SUPT3H: variants seen among roughly 807,000 people sequenced by gnomAD.
SUPT3H encodes transcription initiation protein SPT3 homolog.
SUPT3H carries 44 observed loss-of-function variants against 44.3 expected under a neutral mutation model. The ratio of observed to expected loss-of-function variants is 0.99; its 90% CI spans 0.78 to 1.28. SUPT3H has a LOEUF of 1.28. SUPT3H is among the 50% of genes most tolerant of loss of function. The pLI is 0.00. For synonymous variants in SUPT3H, 124 were observed against 125.6 expected (o/e 0.99, Z 0.09); for missense variants, 380 against 387.1 (o/e 0.98, Z 0.15).
At chr6:45,084,325 G>A (rs1267193459) in intron 3 of SUPT3H, among the ~76,000 whole-genome samples, 1 of 152,004 alleles carries the variant, frequency 6.6e-6, no homozygotes. Flanking sequence ...TTAAAAAGTG[G>A]GCAAAGGACA....
chr6:44,869,717 G>A (rs531414766), intron 10 of SUPT3H, among the ~76,000 whole-genome samples: 360 of 152,258 alleles, frequency 2.4e-3, no homozygotes, highest in African/African-American at 6.5e-3. Flanking sequence ...ACAGTCCACC[G>A]GAAGATATAG....
intron 3 of SUPT3H, among the ~76,000 whole-genome samples, chr6:45,027,861 C>G (rs1786272061): frequency 6.6e-6 from 1 of 152,110 alleles, no homozygotes; most frequent in African/African-American, 2.4e-5. Flanking sequence ...GCACTGCTAC[C>G]TTTTCTTCTA....
chr6:44,892,079 G>A (rs1246476833), intron 10 of SUPT3H, among the ~76,000 whole-genome samples: 2 of 152,086 alleles, frequency 1.3e-5, no homozygotes, highest in Non-Finnish European at 1.5e-5. Flanking sequence ...AAGATAGTGA[G>A]TACAAACCAT....
At chr6:44,940,873 T>C (rs1456294667) in intron 9 of SUPT3H, among the ~76,000 whole-genome samples, 2 of 152,146 alleles carry the variant, frequency 1.3e-5, no homozygotes, top group Non-Finnish European at 2.9e-5. Flanking sequence ...TAAGTATCAC[T>C]ACTGCTGTTC....
chr6:45,305,112 T>A (rs1308600324), intron 2 of SUPT3H, among the ~76,000 whole-genome samples: 3 of 152,244 alleles, frequency 2.0e-5, no homozygotes, highest in Middle Eastern at 3.2e-3. Context: ...GAGAATGACA[T>A]GGCTAATTAT....
chr6:45,144,281 G>A (rs1805683807), intron 2 of SUPT3H, among the ~76,000 whole-genome samples: 1 of 152,000 alleles, frequency 6.6e-6, no homozygotes, highest in African/African-American at 2.4e-5. Flanking sequence ...GGACGTAGAT[G>A]CAAAGATCCT....
At chr6:45,128,796 C>T (rs1339094220) in intron 2 of SUPT3H, among the ~76,000 whole-genome samples, 1 of 151,314 alleles carries the variant, frequency 6.6e-6, no homozygotes, top group Non-Finnish European at 1.5e-5. Context: ...AACGATTCTC[C>T]TGTCTCAGCC....
chr6:45,319,301 A>C (rs1785137454), intron 2 of SUPT3H, among the ~76,000 whole-genome samples: 1 of 152,176 alleles, frequency 6.6e-6, no homozygotes, highest in South Asian at 2.1e-4. Context: ...TTTATCATAA[A>C]TGAGGGCAAA....
At chr6:45,263,718 G>C (rs1299248197) in intron 2 of SUPT3H, among the ~76,000 whole-genome samples, 1 of 152,056 alleles carries the variant, frequency 6.6e-6, no homozygotes, top group African/African-American at 2.4e-5. Context: ...ATGATAAAGG[G>C]AATGCCATTC....
intron 2 of SUPT3H, among the ~76,000 whole-genome samples, chr6:45,361,920 G>A (rs1028288387): frequency 2.0e-5 from 3 of 152,080 alleles, no homozygotes; most frequent in Non-Finnish European, 4.4e-5. Context: ...GCGTGGTAGC[G>A]CATGCCTGTA....
chr6:44,979,824 C>G (rs1033459351), intron 6 of SUPT3H, among the ~76,000 whole-genome samples: 2 of 152,156 alleles, frequency 1.3e-5, no homozygotes, highest in African/African-American at 4.8e-5. Flanking sequence ...AAACAGAACG[C>G]AATTACTGTC....
rs145046044 is a variant in SUPT3H, at chr6:45,350,715, T to C, written c.101+14486A>G. Among the ~76,000 whole-genome samples, 11 of 152,262 alleles carry C rather than the reference T, an allele frequency of 7.2e-5. No homozygotes were observed. In the East Asian group the frequency reaches 2.1e-3, roughly 29 times the overall value. On this transcript the variant is annotated intron_variant, in intron 2 of 10. Coordinates refer to ENST00000371459, the MANE Select transcript of SUPT3H (RefSeq NM_003599.4). ...TTTTAAAGGAAGCTTATAAAACACA[T>C]GAAAACAACAAAAAATTTTAAGGAT... is the stretch of plus-strand genomic sequence containing the variant.
chr6:45,267,440 T>C (rs1223939907), intron 2 of SUPT3H, among the ~76,000 whole-genome samples: 1 of 152,244 alleles, frequency 6.6e-6, no homozygotes, highest in Non-Finnish European at 1.5e-5. Context: ...ATGTTTTTAT[T>C]GCAAGCCTTA....
chr6:45,038,673 A>G (rs1232869091), intron 3 of SUPT3H, among the ~76,000 whole-genome samples: 2 of 152,126 alleles, frequency 1.3e-5, no homozygotes, highest in African/African-American at 4.8e-5. Flanking sequence ...TTAATTCTGT[A>G]ATTTTTTTTA....
chr6:44,825,771 C>T (rs1304573332), downstream of SUPT3H, among the ~76,000 whole-genome samples: 2 of 152,152 alleles, frequency 1.3e-5, no homozygotes, highest in Non-Finnish European at 2.9e-5. Flanking sequence ...TTTTGATCAT[C>T]TTGAGCCTTG....
At chr6:45,015,039 A>G in intron 4 of SUPT3H, 148 bp from the exon 5 acceptor site, 1 of 423,542 alleles carries the variant, frequency 2.4e-6, no homozygotes, top group Middle Eastern at 6.3e-4. Context: ...TATGACATAA[A>G]AAGGTAGTCA....
At chr6:45,302,263 C>A (rs540297765) in intron 2 of SUPT3H, among the ~76,000 whole-genome samples, 1 of 151,930 alleles carries the variant, frequency 6.6e-6, no homozygotes, top group African/African-American at 2.4e-5. Context: ...CCCTTCCCAC[C>A]CTTTTCCCCA....
intron 2 of SUPT3H, among the ~76,000 whole-genome samples, chr6:45,179,333 A>C (rs1812656914): frequency 6.6e-6 from 1 of 152,036 alleles, no homozygotes; most frequent in South Asian, 2.1e-4. Flanking sequence ...TTCTGAAACT[A>C]TTCCAATCAA....
intron 2 of SUPT3H, among the ~76,000 whole-genome samples, chr6:45,223,074 A>T (rs570236109): frequency 6.6e-6 from 1 of 152,150 alleles, no homozygotes; most frequent in African/African-American, 2.4e-5. Context: ...GGTGGAGGCT[A>T]TAAAAGGGGA....
Sources: gnomAD v4.1 joint callset for allele counts (sites outside exome capture counted in the v4.1 genomes callset) on GRCh38, gnomAD v4.1.1 for gene constraint, MANE v1.5 for transcripts, NCBI Gene and HGNC (gene_info 2026-07-23, HGNC 2026-07-21) for gene names.